PREX1: variants seen among roughly 807,000 people sequenced by gnomAD.
PREX1 encodes the protein phosphatidylinositol-3,4,5-trisphosphate dependent Rac exchange factor 1, also known as phosphatidylinositol 3,4,5-trisphosphate-dependent Rac exchanger 1 protein.
Under a neutral mutation model 198.3 loss-of-function variants are expected in PREX1, and 41 were observed. The ratio of observed to expected loss-of-function variants is 0.21; its 90% CI spans 0.16 to 0.27. The LOEUF (loss-of-function observed/expected upper bound fraction) is 0.27. PREX1 is among the 10% of genes least tolerant of loss of function. PREX1 has a pLI of 1.00. For missense variants in PREX1, 1,620 were observed against 2,200.7 expected (o/e 0.74, Z 5.28); for synonymous variants, 843 against 887.2 (o/e 0.95, Z 0.89).
At chr20:48,884,547 A>T in the PREX1 span, among the ~76,000 whole-genome samples, 9 of 152,262 alleles carry the variant, frequency 5.9e-5, no homozygotes, top group Admixed American at 5.9e-4. Context: ...TAAGAACTAA[A>T]ACTATAAACT....
the PREX1 span, among the ~76,000 whole-genome samples, chr20:48,886,997 T>C: frequency 6.6e-6 from 1 of 152,104 alleles, no homozygotes; most frequent in Non-Finnish European, 1.5e-5. Context: ...CTCACAACCA[T>C]CGGAGGTAGG....
Position 48,690,970 on chromosome 20 carries a change from A to T in PREX1, c.1163T>A (p.Ile388Asn). The change falls in exon 9 of 40, where the codon ATC becomes AAC. Residue 388 changes from isoleucine to asparagine, a missense_variant. By Grantham distance (149) the Ile-to-Asn change is moderately radical. This residue lies in a region of PREX1 where 488 missense variants were observed against 802.5 expected (regional missense o/e 0.61). Transcript: ENST00000371941. ...ACTCTCGCGCTGCTCCCGCTCGCGG[A>T]TGATGGCATCCAGCCACTTCTGCTT... Reference protein sequence around the residue: ...EEKQKWLDAIIREREQRESLK... With the variant: ...EEKQKWLDAINREREQRESLK... 1 of 1,614,114 alleles carries T rather than the reference A, an allele frequency of 6.2e-7. No individual in the cohort carries two copies. Among genetic ancestry groups the T allele is most frequent in the Non-Finnish European group, 8.5e-7 (1 of 1,180,022 alleles).
the PREX1 span, among the ~76,000 whole-genome samples, chr20:48,839,359 A>G: frequency 6.6e-6 from 1 of 152,144 alleles, no homozygotes; most frequent in Non-Finnish European, 1.5e-5. Context: ...GGATATATTT[A>G]AAGCTTGTTC....
At position 48,708,248 on chromosome 20, in the gene PREX1, TC is replaced by T. The variant is rs1430741967; in HGVS notation, c.783+11del. 1.2e-6 allele frequency: 2 copies of T among 1,613,436 alleles called. No homozygotes were observed. On this transcript the variant is annotated intron_variant, in intron 6 of 39. Transcript: ENST00000371941. Reference sequence around the variant, plus strand: ...CTGCGGCCCAGGAAGCCCCCTCCTGTCCTGTACACACCTCCCAGCCTTCGAT... The same window carrying T: ...CTGCGGCCCAGGAAGCCCCCTCCTGTCTGTACACACCTCCCAGCCTTCGAT...
intron 2 of PREX1, among the ~76,000 whole-genome samples, chr20:48,746,149 T>C (rs2090106704): frequency 6.6e-6 from 1 of 152,042 alleles, no homozygotes; most frequent in South Asian, 2.1e-4. Flanking sequence ...GCCTCCCGAG[T>C]AGCTGGGAAT....
intron 8 of PREX1, among the ~76,000 whole-genome samples, chr20:48,692,090 A>G (rs2089822265): frequency 6.6e-6 from 1 of 152,130 alleles, no homozygotes; most frequent in African/African-American, 2.4e-5. Context: ...GGTTTTCTCC[A>G]TGTTGCCCAG....
intron 5 of PREX1, among the ~76,000 whole-genome samples, chr20:48,714,983 G>A (rs1344112428): frequency 6.6e-6 from 1 of 152,182 alleles, no homozygotes; most frequent in Non-Finnish European, 1.5e-5. Flanking sequence ...TCTAACATGC[G>A]AAAGGAGGGA....
chr20:48,668,021 C>G (rs2122972140), intron 14 of PREX1, among the ~76,000 whole-genome samples: 1 of 152,368 alleles, frequency 6.6e-6, no homozygotes, highest in South Asian at 2.1e-4. Context: ...CCTGCCCTGG[C>G]TTTCTGAGTG....
chr20:48,781,419 T>C (rs1469886319), intron 1 of PREX1, among the ~76,000 whole-genome samples: 1 of 152,202 alleles, frequency 6.6e-6, no homozygotes, highest in Non-Finnish European at 1.5e-5. Flanking sequence ...CTTAAAGCCC[T>C]GTGCTGACCA....
chr20:48,811,644 G>GCACGTGTGCATGCACAC, intron 1 of PREX1, among the ~76,000 whole-genome samples: 1 of 87,990 alleles, frequency 1.1e-5, no homozygotes, highest in African/African-American at 5.5e-5. Context: ...ACACACACAC[G>GCACGTGTGCATGCACAC]TACGTGTGCA....
intron 5 of PREX1, among the ~76,000 whole-genome samples, chr20:48,716,754 G>A (rs935532065): frequency 2.0e-5 from 3 of 152,190 alleles, no homozygotes; most frequent in Admixed American, 2.0e-4. Flanking sequence ...GAGCCGGTGG[G>A]CCTCAGGCTG....
At chr20:48,634,540 TTTG>T in intron 33 of PREX1, 133 bp downstream of exon 33, 1 of 722,710 alleles carries the variant, frequency 1.4e-6, no homozygotes, top group Non-Finnish European at 2.2e-6. Context: ...AGGCATGAGG[TTTG>T]ACAGCACTGA....
At chr20:48,686,798 C>A (rs1012196613) in intron 10 of PREX1, among the ~76,000 whole-genome samples, 1 of 152,228 alleles carries the variant, frequency 6.6e-6, no homozygotes, top group South Asian at 2.1e-4. Context: ...TGGCGCCCTG[C>A]AGGTTTGAAC....
the PREX1 span, among the ~76,000 whole-genome samples, chr20:48,849,093 C>T: frequency 1.4e-5 from 2 of 143,342 alleles, no homozygotes; most frequent in African/African-American, 2.5e-5. Flanking sequence ...AAGACCCTGT[C>T]TCAAAAAAAA....
In PREX1 at chr20:48,639,770, C is replaced by T; in HGVS notation, c.3900G>A (p.Val1300=). Residue 1300 remains valine (V), a synonymous_variant, in exon 30 of 40, where the codon GTG becomes GTA. Coordinates refer to ENST00000371941, the MANE Select transcript of PREX1 (RefSeq NM_020820.4). ...KTLVDNIQRY[V]EDGKNQLLLA... is the part of the protein sequence containing the mutation. ...GCACCCTCCCTGCCCACCGACCTTC[C>T]ACATATCTCTGAATGTTGTCCACCA... The T allele has an allele frequency of 6.2e-7, 1 of 1,613,986 alleles. No homozygotes were observed. The highest frequency in any genetic ancestry group is 8.5e-7 in the Non-Finnish European group (1 of 1,179,936).
Position 48,652,454 on chromosome 20 carries a change from A to C in PREX1, c.2467+132T>G. 2.3e-6 allele frequency: 3 copies of C among 1,328,554 alleles called. No individual in the cohort carries two copies. The South Asian group carries it at 4.5e-5, about 20-fold the overall frequency. The allele number at this position is 1,328,554 out of a possible 1,614,324, so 82.3% of individuals were successfully genotyped here. The stretch of plus-strand genomic sequence containing the variant: ...GAACCTGTCTCCAAAAAGGAAAAAA[A>C]AAACAAACCTGCTGGCATGGAGGTG... On this transcript the variant is annotated intron_variant, in intron 21 of 39. Transcript: ENST00000371941.
chr20:48,882,104 T>C, the PREX1 span, among the ~76,000 whole-genome samples: 1 of 152,226 alleles, frequency 6.6e-6, no homozygotes, highest in African/African-American at 2.4e-5. Flanking sequence ...TTTTTACAGC[T>C]AAAGAATATT....
chr20:48,776,205 A>G (rs1279945636), intron 1 of PREX1, among the ~76,000 whole-genome samples: 1 of 152,066 alleles, frequency 6.6e-6, no homozygotes, highest in Non-Finnish European at 1.5e-5. Flanking sequence ...AGCCTCCTGC[A>G]GGGGCATCTA....
At chr20:48,811,631 CA>C (rs2090436466) in intron 1 of PREX1, among the ~76,000 whole-genome samples, 1 of 106,092 alleles carries the variant, frequency 9.4e-6, no homozygotes, top group African/African-American at 4.2e-5. Flanking sequence ...CACCCCCCCA[CA>C]CACACACACA....
Sources: gnomAD v4.1 joint callset for allele counts (sites outside exome capture counted in the v4.1 genomes callset) on GRCh38, gnomAD v4.1.1 for gene constraint, gnomAD v4.1.1 regional missense constraint, MANE v1.5 for transcripts, NCBI Gene and HGNC (gene_info 2026-07-23, HGNC 2026-07-21) for gene names.